Variants in R3HDM1 observed in about 807,000 individuals in gnomAD.
The protein encoded by R3HDM1 is R3H domain-containing protein 1.
In R3HDM1, 46 loss-of-function variants were observed where a neutral mutation model predicts 141.1. The observed-to-expected ratio is 0.33, with a 90% CI of 0.26 to 0.42. The LOEUF (loss-of-function observed/expected upper bound fraction) is 0.42, where lower values mean the gene tolerates loss of function less well. Among genes scored for constraint, R3HDM1 ranks in the 10% least tolerant of loss-of-function variants. The probability of loss-of-function intolerance (pLI) is 1.00; values close to 1 mark genes in which losing one functional copy is unlikely to be tolerated. For missense variants in R3HDM1, 1,184 were observed against 1,368.3 expected (o/e 0.87, Z 2.12); for synonymous variants, 435 against 472.9 (o/e 0.92, Z 1.04).
chr2:135,715,092 G>A (rs895906070), intron 23 of R3HDM1, among the ~76,000 whole-genome samples: 6 of 152,228 alleles, frequency 3.9e-5, no homozygotes, highest in Non-Finnish European at 5.9e-5. Flanking sequence ...GCTCACGCCT[G>A]TAATTCCAGC....
rs1225383161 is a variant in R3HDM1 at position 135,631,855 on chromosome 2, T to C, written c.558-6T>C. On this transcript the variant is annotated splice_region_variant and splice_polypyrimidine_tract_variant and intron_variant, in intron 8 of 26. Transcript: ENST00000683871. ...CTTACTAAGTTGGTTTTTCTTGTGC[T>C]TCTAGGTCTCCACGTAAAAAATTCC... 6.2e-7 allele frequency: 1 copy of C among 1,605,060 alleles called. No homozygotes were observed. Among genetic ancestry groups the C allele is most frequent in the Admixed American group, 1.7e-5 (1 of 58,422 alleles).
At position 135,724,470 on chromosome 2, in the gene R3HDM1, C is replaced by T; in HGVS notation, c.*178C>T. The T allele has an allele frequency of 1.8e-6, 1 of 541,258 alleles. No homozygotes were observed. The highest frequency in any genetic ancestry group is 3.2e-6 in the Non-Finnish European group (1 of 309,082). 33.5% of individuals were successfully genotyped at this position (541,258 alleles called of 1,614,324 possible). Reference sequence around the variant, plus strand: ...AAGGGGGAAAAATATGCATTTCACCCCACATGACTAGGAATCCACATCAGA... The same window carrying T: ...AAGGGGGAAAAATATGCATTTCACCTCACATGACTAGGAATCCACATCAGA... On this transcript the variant is annotated 3_prime_UTR_variant, in exon 27 of 27. Coordinates refer to ENST00000683871, the MANE Select transcript of R3HDM1 (RefSeq NM_001378107.1).
At chr2:135,666,801 C>A (rs2067568357) in intron 19 of R3HDM1, among the ~76,000 whole-genome samples, 1 of 151,826 alleles carries the variant, frequency 6.6e-6, no homozygotes, top group Non-Finnish European at 1.5e-5. Flanking sequence ...TTGAACTTGC[C>A]CACCTACTAA....
At chr2:135,557,737 G>T (rs1465285304) in intron 1 of R3HDM1, among the ~76,000 whole-genome samples, 5 of 152,222 alleles carry the variant, frequency 3.3e-5, no homozygotes, top group African/African-American at 1.2e-4. Context: ...TATAGTTCAT[G>T]TCTAGGTCAT....
chr2:135,673,945 G>A (rs950036843), intron 19 of R3HDM1, among the ~76,000 whole-genome samples: 1 of 151,860 alleles, frequency 6.6e-6, no homozygotes, highest in Non-Finnish European at 1.5e-5. Flanking sequence ...GTATTTTTTT[G>A]TGGAGACAAG....
chr2:135,686,116 A>T (rs570148118), intron 21 of R3HDM1, among the ~76,000 whole-genome samples: 3 of 152,338 alleles, frequency 2.0e-5, no homozygotes, highest in Non-Finnish European at 4.4e-5. Context: ...AACCGTAATG[A>T]GATATCACCT....
rs58907969 is a variant in R3HDM1, at chr2:135,594,977, A to ACCC, written c.-249-7515_-249-7513dup. ...GTTCAGTGTTCCCTAGGGATTCTACACCCCCCCCCCTTTTCAATGAAGGCT... is the reference window on the plus strand; with the variant it reads ...GTTCAGTGTTCCCTAGGGATTCTACACCCCCCCCCCCCCTTTTCAATGAAGGCT... On this transcript the variant is annotated intron_variant, in intron 1 of 26. Coordinates refer to ENST00000683871, the MANE Select transcript of R3HDM1 (RefSeq NM_001378107.1). 9.7e-3 allele frequency among the ~76,000 whole-genome samples: 1,353 copies of ACCC among 139,042 alleles called. 9 individuals are homozygous for ACCC. Among genetic ancestry groups the ACCC allele is most frequent in the African/African-American group, 0.026 (990 of 37,822 alleles). 91.2% of individuals were successfully genotyped at this position (139,042 alleles called of 152,430 possible).
intron 21 of R3HDM1, among the ~76,000 whole-genome samples, chr2:135,708,836 G>A (rs1400186361): frequency 2.0e-5 from 3 of 151,376 alleles, no homozygotes; most frequent in South Asian, 2.1e-4. Flanking sequence ...GCAGACACCT[G>A]TAATCTCAGC....
chr2:135,624,142 TC>T (rs1009788611), intron 7 of R3HDM1, among the ~76,000 whole-genome samples: 7 of 152,296 alleles, frequency 4.6e-5, no homozygotes, highest in African/African-American at 1.7e-4. Flanking sequence ...ACGCTTGTAA[TC>T]CCAGCACTTT....
At chr2:135,563,960 G>T (rs1200732608) in intron 1 of R3HDM1, among the ~76,000 whole-genome samples, 2 of 152,154 alleles carry the variant, frequency 1.3e-5, no homozygotes, top group African/African-American at 4.8e-5. Context: ...ACATCACATG[G>T]TGAGAGCAGG....
intron 15 of R3HDM1, among the ~76,000 whole-genome samples, chr2:135,643,816 A>G (rs1278331343): frequency 6.6e-6 from 1 of 152,228 alleles, no homozygotes; most frequent in Non-Finnish European, 1.5e-5. Context: ...TCACAGGAAC[A>G]CAGATGGAAT....
Position 135,649,905 on chromosome 2 carries a change from G to A in R3HDM1, c.1627G>A (p.Val543Ile). The A allele has an allele frequency of 8.0e-7, 1 of 1,256,532 alleles. No homozygotes were observed. Among genetic ancestry groups the A allele is most frequent in the Non-Finnish European group, 1.0e-6 (1 of 964,380 alleles). The allele number at this position is 1,256,532 out of a possible 1,614,324, so 77.8% of individuals were successfully genotyped here. A position where few individuals can be genotyped will look rare whatever the true frequency, so the allele number is the denominator to read the frequency against. ...PAANHIFSQP[V>I]HPLQSSSQPV... ...TTGCCAACCTGTTATTCTTTAGCCT[G>A]TTCATCCTCTGCAGTCCTCTTCACA... is the stretch of plus-strand genomic sequence containing the variant. The change falls in exon 17 of 27, where the codon GTT becomes ATT. Residue 543 changes from valine (V) to isoleucine (I), a missense_variant. Coordinates refer to ENST00000683871, the MANE Select transcript of R3HDM1 (RefSeq NM_001378107.1).
intron 1 of R3HDM1, among the ~76,000 whole-genome samples, chr2:135,578,394 G>A (rs570254039): frequency 6.6e-6 from 1 of 152,338 alleles, no homozygotes; most frequent in South Asian, 2.1e-4. Flanking sequence ...GAATGGGGTA[G>A]AAAGATTGGG....
At chr2:135,531,985 G>C (rs1447895373) in intron 1 of R3HDM1, among the ~76,000 whole-genome samples, 9 of 152,200 alleles carry the variant, frequency 5.9e-5, no homozygotes, top group Non-Finnish European at 2.9e-5. Flanking sequence ...CAGGGGAAAG[G>C]TTTCCGAGTC....
chr2:135,600,787 A>T (rs533688877), intron 1 of R3HDM1, among the ~76,000 whole-genome samples: 8 of 152,154 alleles, frequency 5.3e-5, no homozygotes, highest in Non-Finnish European at 1.2e-4. Context: ...TGGTTGTGTG[A>T]CTTTGAAGAA....
chr2:135,641,660 C>T lies in R3HDM1; in HGVS notation c.1344C>T (p.Ser448=). 6.2e-7 allele frequency: 1 copy of T among 1,614,188 alleles called. No individual in the cohort carries two copies. The change falls in exon 15 of 27, where the codon AGC becomes AGT. Residue 448 remains serine, a synonymous_variant. Coordinates refer to ENST00000683871, the MANE Select transcript of R3HDM1 (RefSeq NM_001378107.1). ...HGAPVVYPTV[S]THSSLSFDGG... ...CACCTGTCGTCTATCCAACTGTCAG[C>T]ACTCATAGTTCTCTTTCCTTTGATG...
intron 1 of R3HDM1, among the ~76,000 whole-genome samples, chr2:135,585,389 G>A (rs1707651428): frequency 1.3e-5 from 2 of 152,188 alleles, no homozygotes; most frequent in South Asian, 4.1e-4. Context: ...ATAGAAAAGT[G>A]GGATTTCTGG....
intron 1 of R3HDM1, among the ~76,000 whole-genome samples, chr2:135,537,275 G>GTT (rs1696371426): frequency 7.8e-6 from 1 of 127,398 alleles, no homozygotes. Flanking sequence ...GCATTAGTCT[G>GTT]TCTTTTTTTT....
intron 1 of R3HDM1, among the ~76,000 whole-genome samples, chr2:135,538,398 G>A (rs988781514): frequency 8.5e-5 from 13 of 152,102 alleles, no homozygotes; most frequent in African/African-American, 2.9e-4. Flanking sequence ...CTTTATAAAT[G>A]CTGTATACTT....
Sources: allele counts gnomAD v4.1 joint callset (sites outside exome capture counted in the v4.1 genomes callset), GRCh38; gene constraint gnomAD v4.1.1; transcripts MANE v1.5; gene names NCBI Gene and HGNC (gene_info 2026-07-23, HGNC 2026-07-21).